The following NMT1 variants were observed in gnomAD, a reference collection of about 807,000 sequenced individuals.
The protein encoded by NMT1 is glycylpeptide N-tetradecanoyltransferase 1.
NMT1 carries 12 observed loss-of-function variants against 63.4 expected under a neutral mutation model. The observed-to-expected ratio is 0.19, with a 90% CI of 0.12 to 0.31. NMT1 has a LOEUF of 0.31. Ranked by LOEUF, NMT1 falls within the 10% of genes least tolerant of loss-of-function variation. The probability of loss-of-function intolerance (pLI) is 1.00; values close to 1 mark genes in which losing one functional copy is unlikely to be tolerated. For synonymous variants in NMT1, 228 were observed against 234.3 expected (o/e 0.97, Z 0.25); for missense variants, 432 against 634.6 (o/e 0.68, Z 3.43).
At chr17:45,072,343 T>C (rs2143461169) in intron 1 of NMT1, among the ~76,000 whole-genome samples, 1 of 150,136 alleles carries the variant, frequency 6.7e-6, no homozygotes, top group African/African-American at 2.4e-5. Flanking sequence ...CACTGCAACC[T>C]CCCCCTCCCA....
At chr17:45,071,328 G>A (rs1425768694) in intron 1 of NMT1, 1 of 152,152 alleles carries the variant, frequency 6.6e-6, no homozygotes, top group Non-Finnish European at 1.5e-5. Flanking sequence ...CCGAGTGACT[G>A]GGACTACAGG....
intron 1 of NMT1, among the ~76,000 whole-genome samples, chr17:45,074,407 G>A (rs1055737753): frequency 6.6e-6 from 1 of 152,052 alleles, no homozygotes. Context: ...TTTTAGTAGA[G>A]ACGGGGTTTC....
intron 6 of NMT1, 29 bp downstream of exon 6, chr17:45,097,273 C>G (rs369806348): frequency 1.0e-5 from 15 of 1,476,276 alleles, no homozygotes; most frequent in African/African-American, 9.7e-5. Flanking sequence ...CCCCACCCCC[C>G]ACAACACCGC....
rs2054200999 is a variant in NMT1, at chr17:45,106,083, C to T, written c.*444C>T. The T allele has an allele frequency of 6.6e-6, 1 of 152,190 alleles. No individual in the cohort carries two copies. Among genetic ancestry groups the T allele is most frequent in the Non-Finnish European group, 1.5e-5 (1 of 68,048 alleles). 9.4% of individuals were successfully genotyped at this position (152,190 alleles called of 1,614,324 possible). A position where few individuals can be genotyped will look rare whatever the true frequency, so the allele number is the denominator to read the frequency against. Reference sequence around the variant, plus strand: ...ATTCCTCAGAATGAGGACCCGAGGACAGTGGCAGACAGACGCGTTGGCACA... The same window carrying T: ...ATTCCTCAGAATGAGGACCCGAGGATAGTGGCAGACAGACGCGTTGGCACA... On this transcript the variant is annotated 3_prime_UTR_variant, in exon 12 of 12. Transcript: ENST00000258960.
intron 1 of NMT1, among the ~76,000 whole-genome samples, chr17:45,065,726 T>TAA (rs2053898648): frequency 6.6e-6 from 1 of 152,098 alleles, no homozygotes; most frequent in African/African-American, 2.4e-5. Flanking sequence ...TTTTGCTTCT[T>TAA]GAAATGTTTT....
chr17:45,083,602 G>A (rs2054031052), intron 2 of NMT1: 1 of 152,258 alleles, frequency 6.6e-6, no homozygotes, highest in African/African-American at 2.4e-5. Context: ...CTACAAGGTA[G>A]GTAGGGGTCT....
Position 45,102,868 on chromosome 17 carries a change from C to A in NMT1, c.994-83C>A, listed in dbSNP as rs377321689. 25 of 1,347,650 alleles carry A rather than the reference C, an allele frequency of 1.9e-5. No homozygotes were observed. The African/African-American group carries it at 2.9e-4, about 16-fold the overall frequency. The allele number at this position is 1,347,650 out of a possible 1,614,324, so 83.5% of individuals were successfully genotyped here. On this transcript the variant is annotated intron_variant, in intron 8 of 11. Coordinates refer to ENST00000258960, the MANE Select transcript of NMT1 (RefSeq NM_021079.5). ...GCCGCCGAATGACCAGGGATTCTCT[C>A]TTGAGGGCCTGATCTGTCCTTGCCA... is the stretch of plus-strand genomic sequence containing the variant.
intron 2 of NMT1, among the ~76,000 whole-genome samples, chr17:45,082,073 C>T (rs2054020427): frequency 6.6e-6 from 1 of 152,146 alleles, no homozygotes; most frequent in African/African-American, 2.4e-5. Flanking sequence ...AGCAGTGGTT[C>T]TCTGTCTTAA....
At chr17:45,089,761 C>T (rs545197160) in intron 3 of NMT1, among the ~76,000 whole-genome samples, 8 of 152,156 alleles carry the variant, frequency 5.3e-5, no homozygotes, top group Admixed American at 5.2e-4. Flanking sequence ...ACCTTAGCCT[C>T]CTGAGTAGCT....
chr17:45,099,489 C>T lies in NMT1; in HGVS notation c.969C>T (p.Thr323=), dbSNP rs1489341607. The T allele has an allele frequency of 2.5e-6, 4 of 1,613,814 alleles. No homozygotes were observed. Among genetic ancestry groups the T allele is most frequent in the Non-Finnish European group, 2.5e-6 (3 of 1,179,808 alleles). ...HLSRNMTMQR[T]MKLYRLPETP... ...GCAGAAATATGACCATGCAGCGCAC[C>T]ATGAAGCTCTACCGACTGCCAGAGG... Residue 323 remains threonine, a synonymous_variant, in exon 8 of 12, where the codon ACC becomes ACT. Coordinates refer to ENST00000258960, the MANE Select transcript of NMT1 (RefSeq NM_021079.5).
At chr17:45,075,089 T>C (rs1233997064) in intron 1 of NMT1, among the ~76,000 whole-genome samples, 1 of 152,084 alleles carries the variant, frequency 6.6e-6, no homozygotes, top group African/African-American at 2.4e-5. Flanking sequence ...AGCAGGAGGA[T>C]TGTTTGAGCC....
At chr17:45,076,741 ACT>A (rs1224169449) in intron 1 of NMT1, among the ~76,000 whole-genome samples, 2 of 149,958 alleles carry the variant, frequency 1.3e-5, no homozygotes, top group Non-Finnish European at 3.0e-5. Flanking sequence ...CAAGAGTGAA[ACT>A]CTGTCTCAAA....
intron 1 of NMT1, among the ~76,000 whole-genome samples, chr17:45,066,468 A>G (rs1019240329): frequency 6.6e-6 from 1 of 151,720 alleles, no homozygotes; most frequent in East Asian, 2.0e-4. Flanking sequence ...ATAAAACTTC[A>G]TGTGGTTGTG....
chr17:45,086,923 C>T (rs1338077694), intron 3 of NMT1, among the ~76,000 whole-genome samples: 2 of 151,864 alleles, frequency 1.3e-5, no homozygotes, highest in African/African-American at 2.4e-5. Flanking sequence ...CTTTGGGAGG[C>T]CGAGGTGGGA....
At chr17:45,098,878 G>A (rs2054143226) in intron 7 of NMT1, 4 of 307,022 alleles carry the variant, frequency 1.3e-5, no homozygotes, top group African/African-American at 2.1e-5. Flanking sequence ...TATGGGAAAT[G>A]TCCTAAAGTT....
At chr17:45,097,331 C>A in intron 6 of NMT1, 87 bp downstream of exon 6, 1 of 1,028,686 alleles carries the variant, frequency 9.7e-7, no homozygotes, top group South Asian at 1.3e-5. Context: ...CACAATGTGC[C>A]CCATGAAAGG....
chr17:45,101,699 T>TGCAGTCACTGCGTTCCTGCTGA (rs1297769275), intron 8 of NMT1, among the ~76,000 whole-genome samples: 2 of 151,182 alleles, frequency 1.3e-5, no homozygotes, highest in Non-Finnish European at 2.9e-5. Context: ...TGGTCATCAG[T>TGCAGTCACTGCGTTCCTGCTGA]GCACACAGTC....
chr17:45,065,725 T>A (rs2053898626), intron 1 of NMT1, among the ~76,000 whole-genome samples: 1 of 152,084 alleles, frequency 6.6e-6, no homozygotes, highest in African/African-American at 2.4e-5. Context: ...GTTTTGCTTC[T>A]TGAAATGTTT....
Position 45,102,985 on chromosome 17 carries a change from C to T in NMT1, c.1028C>T (p.Thr343Ile). The T allele has an allele frequency of 6.2e-7, 1 of 1,613,474 alleles. No individual in the cohort carries two copies. The highest frequency in any genetic ancestry group is 8.5e-7 in the Non-Finnish European group (1 of 1,179,480). ...ACAGCTGGGCTGCGACCAATGGAAA[C>T]AAAGGACATTCCAGTAGTGCACCAG... ...PKTAGLRPME[T>I]KDIPVVHQLL... The change falls in exon 9 of 12, where the codon ACA (threonine) becomes ATA (isoleucine). Residue 343 changes from threonine (T) to isoleucine (I), a missense_variant. Thr to Ile is a moderately conservative substitution (Grantham distance 89). Around this residue, in one of 4 missense-constraint regions of NMT1, gnomAD observed 295 missense variants for 489.7 expected, o/e 0.60. Coordinates refer to ENST00000258960, the MANE Select transcript of NMT1 (RefSeq NM_021079.5).
Sources: allele counts gnomAD v4.1 joint callset (sites outside exome capture counted in the v4.1 genomes callset), GRCh38; gene constraint gnomAD v4.1.1; regional missense constraint gnomAD v4.1.1; transcripts MANE v1.5; gene names NCBI Gene and HGNC (gene_info 2026-07-23, HGNC 2026-07-21).